The following POU2AF1 variants were observed in gnomAD, a reference collection of about 807,000 sequenced individuals.
POU2AF1 encodes the protein POU domain class 2-associating factor 1.
In POU2AF1, 12 loss-of-function variants were observed where a neutral mutation model predicts 26.3. That is an observed-to-expected ratio of 0.46 (90% CI 0.29 to 0.74). The LOEUF (loss-of-function observed/expected upper bound fraction) is 0.74, where lower values mean the gene tolerates loss of function less well. POU2AF1 is among the 30% of genes least tolerant of loss of function. POU2AF1 has a pLI of 0.09. For synonymous variants in POU2AF1, 175 were observed against 148.0 expected, an observed-to-expected ratio of 1.18 and a Z score of -1.32; for missense variants, 297 against 334.5, an observed-to-expected ratio of 0.89 and a Z score of 0.87.
At chr11:111,376,858 G>C (rs1861318442) in intron 1 of POU2AF1, among the ~76,000 whole-genome samples, 2 of 152,014 alleles carry the variant, frequency 1.3e-5, no homozygotes, top group African/African-American at 2.4e-5. Context: ...CACATACTTG[G>C]GTTCAGGCTA....
Position 111,372,722 on chromosome 11 carries a change from C to A in POU2AF1, c.16+6440G>T, listed in dbSNP as rs113997039. The stretch of plus-strand genomic sequence containing the variant: ...TGGCAGTTGTTACACTCAACATCCA[C>A]CTTCCCTTCCTTTCTAACAGCCCCT... On this transcript the variant is annotated intron_variant, in intron 1 of 4. Coordinates refer to ENST00000393067, the MANE Select transcript of POU2AF1 (RefSeq NM_006235.3). Among the ~76,000 whole-genome samples the A allele has an allele frequency of 9.9e-3, 1,508 of 152,312 alleles. 21 individuals carry two copies. Among genetic ancestry groups the A allele is most frequent in the African/African-American group, 0.035 (1,435 of 41,560 alleles).
intron 1 of POU2AF1, among the ~76,000 whole-genome samples, chr11:111,375,692 C>G (rs1257349023): frequency 6.6e-6 from 1 of 152,162 alleles, no homozygotes; most frequent in South Asian, 2.1e-4. Flanking sequence ...CGCCACCGCA[C>G]CCGGCCTGAT....
At position 111,352,963 on chromosome 11, in the gene POU2AF1, G is replaced by GAGGAAGGA. The variant is rs1187817196; in HGVS notation, c.*1290_*1297dup. 839 of 137,916 alleles carry GAGGAAGGA rather than the reference G, an allele frequency of 6.1e-3. 11 individuals carry two copies. Among genetic ancestry groups the GAGGAAGGA allele is most frequent in the Middle Eastern group, 7.4e-3 (3 of 404 alleles). The allele number at this position is 137,916 out of a possible 1,614,324, so 8.5% of individuals were successfully genotyped here. A position where few individuals can be genotyped will look rare whatever the true frequency, so the allele number is the denominator to read the frequency against. On this transcript the variant is annotated 3_prime_UTR_variant, in exon 5 of 5. Transcript: ENST00000393067. ...AAACCAAAAAAAAGAAAGAAAGAGA[G>GAGGAAGGA]AGGAAGGAAGGAAGGAAGGAAGGAA...
Position 111,353,154 on chromosome 11 carries a change from A to G in POU2AF1, c.*1107T>C, listed in dbSNP as rs980073696. 4.3e-6 allele frequency: 1 copy of G among 232,794 alleles called. No individual in the cohort carries two copies. Among genetic ancestry groups the G allele is most frequent in the African/African-American group, 2.2e-5 (1 of 45,406 alleles). The allele number at this position is 232,794 out of a possible 1,614,324, so 14.4% of individuals were successfully genotyped here. ...CCTCCACAGCACCAGCAGAGGGCCT[A>G]GAGGTGAGACAGAAATGGCCGACCA... On this transcript the variant is annotated 3_prime_UTR_variant, in exon 5 of 5. Coordinates refer to ENST00000393067, the MANE Select transcript of POU2AF1 (RefSeq NM_006235.3).
At chr11:111,367,681 T>C (rs1039065349) in intron 1 of POU2AF1, among the ~76,000 whole-genome samples, 6 of 152,174 alleles carry the variant, frequency 3.9e-5, no homozygotes, top group African/African-American at 1.2e-4. Flanking sequence ...AGTCTGGGCT[T>C]GGACTACCCT....
intron 1 of POU2AF1, among the ~76,000 whole-genome samples, chr11:111,365,524 G>A (rs1174903727): frequency 1.3e-5 from 2 of 151,460 alleles, no homozygotes; most frequent in Admixed American, 6.6e-5. Flanking sequence ...AATCTTCAAG[G>A]AAAAAAAACC....
intron 4 of POU2AF1, among the ~76,000 whole-genome samples, chr11:111,356,966 A>G (rs1278297949): frequency 6.6e-6 from 1 of 152,156 alleles, no homozygotes; most frequent in African/African-American, 2.4e-5. Flanking sequence ...AAATTACCCC[A>G]CACGTGGGTC....
At chr11:111,356,459 T>A (rs1591189339) in intron 4 of POU2AF1, among the ~76,000 whole-genome samples, 1 of 152,164 alleles carries the variant, frequency 6.6e-6, no homozygotes, top group Non-Finnish European at 1.5e-5. Flanking sequence ...AGAGACAAGG[T>A]GGACCAAAGC....
chr11:111,368,791 C>T (rs557092377), intron 1 of POU2AF1, among the ~76,000 whole-genome samples: 1 of 152,264 alleles, frequency 6.6e-6, no homozygotes, highest in Non-Finnish European at 1.5e-5. Context: ...TCCCCATCTG[C>T]AAAATGAAAG....
intron 1 of POU2AF1, among the ~76,000 whole-genome samples, chr11:111,368,997 C>A (rs562373466): frequency 6.6e-6 from 1 of 152,320 alleles, no homozygotes; most frequent in East Asian, 1.9e-4. Flanking sequence ...CATCCTGATA[C>A]TGAATGTCTC....
At chr11:111,366,051 C>A (rs1861099395) in intron 1 of POU2AF1, among the ~76,000 whole-genome samples, 2 of 152,178 alleles carry the variant, frequency 1.3e-5, no homozygotes, top group African/African-American at 4.8e-5. Flanking sequence ...TCTTTCCATT[C>A]ATGGACAATG....
intron 4 of POU2AF1, among the ~76,000 whole-genome samples, chr11:111,356,035 G>T (rs1279289169): frequency 6.6e-6 from 1 of 152,210 alleles, no homozygotes; most frequent in Non-Finnish European, 1.5e-5. Flanking sequence ...CTGCTGATCA[G>T]GAGTGTGGAC....
At chr11:111,376,522 A>T (rs1861312768) in intron 1 of POU2AF1, among the ~76,000 whole-genome samples, 1 of 152,198 alleles carries the variant, frequency 6.6e-6, no homozygotes, top group Non-Finnish European at 1.5e-5. Context: ...CTGTGCCAGC[A>T]GTTCTGGGCT....
chr11:111,358,497 T>G (rs1216092557), intron 2 of POU2AF1, among the ~76,000 whole-genome samples: 2 of 65,148 alleles, frequency 3.1e-5, no homozygotes, highest in Admixed American at 1.9e-4. Context: ...CACATACACA[T>G]TCTCTCTCAC....
intron 1 of POU2AF1, among the ~76,000 whole-genome samples, chr11:111,374,719 G>C (rs572870001): frequency 6.6e-6 from 1 of 152,250 alleles, no homozygotes; most frequent in Admixed American, 6.5e-5. Context: ...TGAATCAATG[G>C]AATCAACTTG....
chr11:111,361,203 CG>C (rs34447727), intron 1 of POU2AF1, among the ~76,000 whole-genome samples: 77,928 of 151,882 alleles, frequency 0.51, 21,577 homozygotes, highest in Admixed American at 0.63. Flanking sequence ...TGCAGTCTAA[CG>C]GGGAAGACAA....
intron 1 of POU2AF1, chr11:111,363,990 C>A (rs1591197613): frequency 1.0e-6 from 1 of 985,376 alleles, no homozygotes; most frequent in African/African-American, 1.7e-5. Flanking sequence ...TTCTATACCA[C>A]TGGAAGTCAA....
chr11:111,373,919 A>G (rs1861260848), intron 1 of POU2AF1, among the ~76,000 whole-genome samples: 1 of 152,230 alleles, frequency 6.6e-6, no homozygotes, highest in African/African-American at 2.4e-5. Context: ...TTCATAATCA[A>G]TTAGCCAACT....
chr11:111,374,116 AT>A (rs60260380), intron 1 of POU2AF1, among the ~76,000 whole-genome samples: 1,446 of 109,634 alleles, frequency 0.013, 14 homozygotes, highest in African/African-American at 0.044. Flanking sequence ...GGCAAACTTG[AT>A]TTTTTTTTTT....
Sources: allele counts gnomAD v4.1 joint callset (sites outside exome capture counted in the v4.1 genomes callset), GRCh38; gene constraint gnomAD v4.1.1; transcripts MANE v1.5; gene names NCBI Gene and HGNC (gene_info 2026-07-23, HGNC 2026-07-21).